ATP11B: variants seen among roughly 807,000 people sequenced by gnomAD.
ATP11B encodes the protein ATPase phospholipid transporting 11B (putative).
A neutral mutation model predicts 157.8 loss-of-function variants in ATP11B; 81 were observed. That is an observed-to-expected ratio of 0.51 (90% CI 0.43 to 0.62). The LOEUF (loss-of-function observed/expected upper bound fraction) is 0.62. Among genes scored for constraint, ATP11B ranks in the 20% least tolerant of loss-of-function variants. The pLI, the probability that ATP11B is intolerant of heterozygous loss-of-function variation, is 0.00. For synonymous variants in ATP11B, 451 were observed against 469.4 expected (o/e 0.96, Z 0.51); for missense variants, 1,165 against 1,402.2 (o/e 0.83, Z 2.70).
At chr3:182,828,033 A>C (rs1286574856) in intron 2 of ATP11B, 87 bp from the exon 3 acceptor site, 1 of 538,804 alleles carries the variant, frequency 1.9e-6, no homozygotes, top group Admixed American at 4.2e-5. Context: ...GGGGTTAGTA[A>C]AACCGATTTT....
intron 29 of ATP11B, chr3:182,917,252 A>AAAAGC: frequency 1.0e-6 from 1 of 985,392 alleles, no homozygotes; most frequent in Non-Finnish European, 1.2e-6. Context: ...GTCTCATAAG[A>AAAAGC]AAAGCAGTCT....
rs1019032070 is a variant in ATP11B, at chr3:182,883,258, A to G, written c.2510-1495A>G. Among the ~76,000 whole-genome samples the G allele has an allele frequency of 1.2e-4, 18 of 148,420 alleles. 1 individual carries two copies. The highest frequency in any genetic ancestry group is 1.9e-4 in the Non-Finnish European group (13 of 67,458). On this transcript the variant is annotated intron_variant, in intron 21 of 29. Coordinates refer to ENST00000323116, the MANE Select transcript of ATP11B (RefSeq NM_014616.3). ...AGCAACAAAAGCAAGTTGTAAAACA[A>G]TCCTTTTTTTTTTTTTGATATAGAG...
At chr3:182,898,506 C>T (rs1723720552) in intron 27 of ATP11B, 101 bp from the exon 28 acceptor site, 1 of 818,350 alleles carries the variant, frequency 1.2e-6, no homozygotes, top group Non-Finnish European at 1.8e-6. Flanking sequence ...TGAACATTTT[C>T]TTGGAGTACT....
At chr3:182,836,234 C>G in intron 5 of ATP11B, 92 bp downstream of exon 5, 1 of 1,559,668 alleles carries the variant, frequency 6.4e-7, no homozygotes, top group Non-Finnish European at 8.8e-7. Context: ...TAAAAGCCTA[C>G]TTTCCTATGC....
At position 182,920,717 on chromosome 3, in the gene ATP11B, T is replaced by A. The variant is rs1725424595; in HGVS notation, c.*2613T>A. 2 of 152,270 alleles carry A rather than the reference T, an allele frequency of 1.3e-5. No homozygotes were observed. The highest frequency in any genetic ancestry group is 4.8e-5 in the African/African-American group (2 of 41,462). The allele number at this position is 152,270 out of a possible 1,614,324, so 9.4% of individuals were successfully genotyped here. A position where few individuals can be genotyped will look rare whatever the true frequency, so the allele number is the denominator to read the frequency against. On this transcript the variant is annotated 3_prime_UTR_variant, in exon 30 of 30. Coordinates refer to ENST00000323116, the MANE Select transcript of ATP11B (RefSeq NM_014616.3). Reference sequence around the variant, plus strand: ...AGCTGCTTTAAGTGACTCAGCACCCTGCCTCAGCTTCAGCAGGCGTAGGCT... The same window carrying A: ...AGCTGCTTTAAGTGACTCAGCACCCAGCCTCAGCTTCAGCAGGCGTAGGCT...
chr3:182,794,729 G>A (rs1715493020), intron 1 of ATP11B, among the ~76,000 whole-genome samples: 1 of 152,212 alleles, frequency 6.6e-6, no homozygotes, highest in Non-Finnish European at 1.5e-5. Flanking sequence ...CATTAAGGCA[G>A]CTGTGACAAT....
At chr3:182,905,692 C>A in intron 28 of ATP11B, 1 of 440,972 alleles carries the variant, frequency 2.3e-6, no homozygotes, top group East Asian at 7.0e-5. Flanking sequence ...TTCTTTTGTG[C>A]CTCAGATTGT....
intron 28 of ATP11B, among the ~76,000 whole-genome samples, chr3:182,903,775 T>G (rs1724137364): frequency 6.6e-6 from 1 of 152,244 alleles, no homozygotes; most frequent in Non-Finnish European, 1.5e-5. Context: ...ATCACATTTT[T>G]GAGCATCTAA....
chr3:182,877,505 G>A (rs1278018577), intron 19 of ATP11B, among the ~76,000 whole-genome samples: 1 of 152,122 alleles, frequency 6.6e-6, no homozygotes, highest in African/African-American at 2.4e-5. Flanking sequence ...AGACGTGTGT[G>A]GTGACACATA....
intron 7 of ATP11B, among the ~76,000 whole-genome samples, chr3:182,841,173 T>C (rs1718983801): frequency 6.6e-6 from 1 of 152,234 alleles, no homozygotes; most frequent in Admixed American, 6.5e-5. Flanking sequence ...ACCTCCTCAA[T>C]GGAGGCCTAC....
intron 21 of ATP11B, among the ~76,000 whole-genome samples, chr3:182,883,557 C>T (rs952077465): frequency 3.3e-5 from 5 of 151,956 alleles, no homozygotes; most frequent in Non-Finnish European, 4.4e-5. Flanking sequence ...CACACCCAGC[C>T]TGAGCCACCG....
intron 28 of ATP11B, 145 bp from the exon 29 acceptor site, chr3:182,913,716 C>G: frequency 7.4e-7 from 1 of 1,349,446 alleles, no homozygotes; most frequent in Non-Finnish European, 1.0e-6. Context: ...TAAATTAAAG[C>G]CTTTCATATG....
At chr3:182,832,044 A>G (rs1718189287) in intron 4 of ATP11B, among the ~76,000 whole-genome samples, 2 of 152,136 alleles carry the variant, frequency 1.3e-5, no homozygotes, top group Admixed American at 1.3e-4. Flanking sequence ...TTATTTCCCA[A>G]TGTATATTTG....
chr3:182,839,521 A>G (rs745545384), intron 7 of ATP11B, among the ~76,000 whole-genome samples: 3 of 152,144 alleles, frequency 2.0e-5, no homozygotes, highest in Non-Finnish European at 4.4e-5. Flanking sequence ...ACCTGGAGGA[A>G]TTGTAGATCA....
chr3:182,802,532 T>A (rs537403431), intron 1 of ATP11B, among the ~76,000 whole-genome samples: 1 of 152,268 alleles, frequency 6.6e-6, no homozygotes, highest in Admixed American at 6.5e-5. Flanking sequence ...CATACTTCAG[T>A]TTTAGGAGCT....
rs185230597 is a variant in ATP11B, at chr3:182,882,481, A to T, written c.2509+1500A>T. 4.7e-4 allele frequency among the ~76,000 whole-genome samples: 72 copies of T among 152,238 alleles called. No homozygotes were observed. The South Asian group carries it at 0.012, about 25-fold the overall frequency. ...GAAAACAAATTATTTAGTAGAAAAAAAATGGATAAAACTGGTTAGTGATTT... is the reference window on the plus strand; with the variant it reads ...GAAAACAAATTATTTAGTAGAAAAATAATGGATAAAACTGGTTAGTGATTT... On this transcript the variant is annotated intron_variant, in intron 21 of 29. Transcript: ENST00000323116.
intron 2 of ATP11B, among the ~76,000 whole-genome samples, chr3:182,826,699 C>A (rs370178614): frequency 6.6e-6 from 1 of 152,194 alleles, no homozygotes; most frequent in South Asian, 2.1e-4. Context: ...AATATAATTT[C>A]ACCAAAGAAG....
intron 28 of ATP11B, among the ~76,000 whole-genome samples, chr3:182,913,647 A>C (rs1724949406): frequency 6.6e-6 from 1 of 152,242 alleles, no homozygotes; most frequent in Admixed American, 6.5e-5. Context: ...TAATTATTTT[A>C]CTAGACCTCT....
intron 10 of ATP11B, among the ~76,000 whole-genome samples, chr3:182,849,113 T>C (rs1359302791): frequency 1.3e-5 from 2 of 152,230 alleles, no homozygotes; most frequent in African/African-American, 4.8e-5. Context: ...AATTCCCTTC[T>C]GTAAGCAATG....
Sources: gnomAD v4.1 joint callset for allele counts (sites outside exome capture counted in the v4.1 genomes callset) on GRCh38, gnomAD v4.1.1 for gene constraint, MANE v1.5 for transcripts, NCBI Gene and HGNC (gene_info 2026-07-23, HGNC 2026-07-21) for gene names.